NRK: variants seen among roughly 807,000 people sequenced by gnomAD.
The protein encoded by NRK is Nik related kinase.
NRK carries 67 observed loss-of-function variants against 125.2 expected under a neutral mutation model. That is an observed-to-expected ratio of 0.54 (90% CI 0.44 to 0.66). The LOEUF is 0.66. Ranked by LOEUF, NRK falls within the 30% of genes least tolerant of loss-of-function variation. The probability of loss-of-function intolerance (pLI) is 0.00; values close to 1 mark genes in which losing one functional copy is unlikely to be tolerated. For missense variants in NRK, 1,224 were observed against 1,192.9 expected (o/e 1.03, Z -0.38); for synonymous variants, 458 against 429.0 (o/e 1.07, Z -0.84).
At chrX:105,884,361 A>G (rs2147711886) in intron 4 of NRK, among the ~76,000 whole-genome samples, 1 of 110,813 alleles carries the variant, frequency 9.0e-6, no homozygotes, top group South Asian at 3.9e-4. Context: ...TACGAGATAT[A>G]AATACCGGGC....
At chrX:105,948,027 ATTG>A (rs1413072874) in intron 26 of NRK, among the ~76,000 whole-genome samples, 1 of 111,635 alleles carries the variant, frequency 9.0e-6, no homozygotes, top group Non-Finnish European at 1.9e-5. Flanking sequence ...TGATATAGCT[ATTG>A]TTGTACTCTT....
At chrX:105,850,457 A>T (rs1362697620) in intron 2 of NRK, among the ~76,000 whole-genome samples, 2 of 112,297 alleles carry the variant, frequency 1.8e-5, no homozygotes, top group Admixed American at 1.9e-4. Context: ...TACTTATGCA[A>T]ATCTGCATCT....
intron 28 of NRK, among the ~76,000 whole-genome samples, chrX:105,953,433 A>G (rs1373678144): frequency 8.9e-6 from 1 of 112,525 alleles, no homozygotes; most frequent in Non-Finnish European, 1.9e-5. Flanking sequence ...AGCAAAGCTT[A>G]GCCATTATTT....
intron 2 of NRK, among the ~76,000 whole-genome samples, chrX:105,846,167 A>G (rs2039399159): frequency 8.9e-6 from 1 of 111,936 alleles, no homozygotes; most frequent in African/African-American, 3.3e-5. Flanking sequence ...TTTTGGTGAA[A>G]GACCTTATGT....
intron 2 of NRK, among the ~76,000 whole-genome samples, chrX:105,865,977 G>T (rs1183412330): frequency 1.0e-5 from 1 of 99,085 alleles, no homozygotes. Context: ...CTCAAAAAAT[G>T]TAAGAATGTA....
intron 23 of NRK, among the ~76,000 whole-genome samples, chrX:105,941,555 A>AAGAGAGAGAGAGAGAGAGAGAGAG (rs771874766): frequency 2.3e-5 from 2 of 85,277 alleles, no homozygotes; most frequent in East Asian, 3.6e-4. Context: ...GAGAGACAGA[A>AAGAGAGAGAGAGAGAGAGAGAGAG]AGAGAGAGAG....
intron 2 of NRK, among the ~76,000 whole-genome samples, chrX:105,872,276 A>G (rs2039757780): frequency 9.0e-6 from 1 of 111,572 alleles, no homozygotes; most frequent in South Asian, 3.8e-4. Flanking sequence ...AGCAGTATAT[A>G]CAAGGCTTTA....
At chrX:105,920,315 A>G (rs936228932) in intron 16 of NRK, among the ~76,000 whole-genome samples, 1 of 107,317 alleles carries the variant, frequency 9.3e-6, no homozygotes, top group African/African-American at 3.6e-5. Flanking sequence ...TATAGTTTGA[A>G]GTGAGGTAGT....
rs1291906024 is a variant in NRK, at chrX:105,906,400, G to T, written c.846-14G>T. On this transcript the variant is annotated splice_polypyrimidine_tract_variant and intron_variant, in intron 10 of 28. Coordinates refer to ENST00000243300, the MANE Select transcript of NRK (RefSeq NM_198465.4). ...GAGAACACTTTTTTTTCCTCTCTTT[G>T]ACTCATTTTTTAGGTCCCGTAAGTT... 5 of 1,101,971 alleles carry T rather than the reference G, an allele frequency of 4.5e-6. No homozygotes were observed. The Admixed American group carries it at 1.0e-4, about 22-fold the overall frequency. 90.8% of individuals were successfully genotyped at this position (1,101,971 alleles called of 1,213,427 possible).
Position 105,925,684 on chromosome X carries a change from G to C in NRK, c.3312+653G>C, listed in dbSNP as rs1016368489. 2.7e-5 allele frequency among the ~76,000 whole-genome samples: 3 copies of C among 111,309 alleles called. No homozygotes were observed. The East Asian group carries it at 8.5e-4, about 32-fold the overall frequency. On this transcript the variant is annotated intron_variant, in intron 19 of 28. Transcript: ENST00000243300. ...GACCAATTTTTTAGCATTTGCATAT[G>C]AGTAAGAACATGTGGTTTTTATCTT... is the stretch of plus-strand genomic sequence containing the variant.
At position 105,873,503 on chromosome X, in the gene NRK, A is replaced by T. The variant is rs190830550; in HGVS notation, c.124-6696A>T. Among the ~76,000 whole-genome samples, 171 of 111,934 alleles carry T rather than the reference A, an allele frequency of 1.5e-3. 1 individual carries two copies. Among genetic ancestry groups the T allele is most frequent in the African/African-American group, 5.4e-3 (167 of 30,842 alleles). On this transcript the variant is annotated intron_variant, in intron 2 of 28. Coordinates refer to ENST00000243300, the MANE Select transcript of NRK (RefSeq NM_198465.4). ...AAACCCAGTCATAAAGTGATAAACTACTAATGGCTCATCTCAGTGATGACT... is the reference window on the plus strand; with the variant it reads ...AAACCCAGTCATAAAGTGATAAACTTCTAATGGCTCATCTCAGTGATGACT...
chrX:105,851,554 C>T (rs1406904520), intron 2 of NRK, among the ~76,000 whole-genome samples: 1 of 112,035 alleles, frequency 8.9e-6, no homozygotes, highest in Non-Finnish European at 1.9e-5. Flanking sequence ...ATGCATTAAA[C>T]AACTAATTAA....
intron 8 of NRK, 97 bp from the exon 9 acceptor site, chrX:105,900,521 T>C: frequency 7.5e-6 from 4 of 531,202 alleles, no homozygotes; most frequent in Non-Finnish European, 9.7e-6. Context: ...AGCTCTGGCA[T>C]TGACATCCAC....
In NRK at chrX:105,909,554, C is replaced by T. The variant is rs745665794; in HGVS notation, c.1913C>T (p.Ala638Val). 1 of 1,206,184 alleles carries T rather than the reference C, an allele frequency of 8.3e-7. No homozygotes were observed. Among genetic ancestry groups the T allele is most frequent in the Non-Finnish European group, 1.1e-6 (1 of 892,745 alleles). ...EPPQAIGSVQ[A>V]LIEGLSRDLL... ...CCACAGGCAATTGGCTCAGTTCAAG[C>T]ACTGATAGAGGGACTATCAAGAGAC... Residue 638 changes from alanine to valine, a missense_variant, in exon 13 of 29, where the codon GCA becomes GTA. Physicochemically the swap from Ala to Val is moderately conservative, Grantham distance 64 (BLOSUM62 0). Transcript: ENST00000243300.
At chrX:105,848,835 A>G (rs2039433400) in intron 2 of NRK, among the ~76,000 whole-genome samples, 1 of 112,342 alleles carries the variant, frequency 8.9e-6, no homozygotes, top group Admixed American at 9.4e-5. Flanking sequence ...TTTGGACAGA[A>G]TCTGGAGATA....
rs751188822 is a variant in NRK at position 105,843,977 on chromosome X, CTGTGTGTG to C, written c.123+12892_123+12899del. ...ATGTTTATTTTGCAGGTCCTGCACT[CTGTGTGTG>C]TGTGTGTGTGTGTGTGTGTGTGTGT... is the stretch of plus-strand genomic sequence containing the variant. On this transcript the variant is annotated intron_variant, in intron 2 of 28. Transcript: ENST00000243300. 4.9e-4 allele frequency among the ~76,000 whole-genome samples: 43 copies of C among 87,381 alleles called. 1 individual carries two copies. Among genetic ancestry groups the C allele is most frequent in the Admixed American group, 1.0e-3 (8 of 7,983 alleles). 75.9% of individuals were successfully genotyped at this position (87,381 alleles called of 115,157 possible).
At chrX:105,824,931 A>G (rs2039074093) in intron 1 of NRK, among the ~76,000 whole-genome samples, 1 of 112,001 alleles carries the variant, frequency 8.9e-6, no homozygotes, top group Non-Finnish European at 1.9e-5. Context: ...TCTAAATTTT[A>G]TACATTAGCC....
Position 105,953,158 on chromosome X carries a change from C to G in NRK, c.4638C>G (p.Cys1546Trp). 8.4e-7 allele frequency: 1 copy of G among 1,188,001 alleles called. No homozygotes were observed. Among genetic ancestry groups the G allele is most frequent in the Non-Finnish European group, 1.1e-6 (1 of 880,436 alleles). ...CAATTAAGAAGCTGAGATTCCTGTG[C>G]ACCCGGGGTGACAAGGTATAGCTTA... Reference protein sequence around the residue: ...RRSIKKLRFLCTRGDKLFFTS... With the variant: ...RRSIKKLRFLWTRGDKLFFTS... Residue 1546 changes from cysteine to tryptophan, a missense_variant, in exon 28 of 29, where the codon TGC (cysteine) becomes TGG (tryptophan). By Grantham distance (215) the Cys-to-Trp change is radical. Coordinates refer to ENST00000243300, the MANE Select transcript of NRK (RefSeq NM_198465.4).
intron 2 of NRK, among the ~76,000 whole-genome samples, chrX:105,871,460 A>G (rs1401931710): frequency 9.2e-6 from 1 of 108,211 alleles, no homozygotes; most frequent in Non-Finnish European, 1.9e-5. Flanking sequence ...TGTTTGGTAT[A>G]TAAATTATCT....
Sources: gnomAD v4.1 joint callset for allele counts (sites outside exome capture counted in the v4.1 genomes callset) on GRCh38, gnomAD v4.1.1 for gene constraint, MANE v1.5 for transcripts, NCBI Gene and HGNC (gene_info 2026-07-23, HGNC 2026-07-21) for gene names.